SCML4: variants seen among roughly 807,000 people sequenced by gnomAD.
SCML4 encodes sex comb on midleg-like protein 4.
In SCML4, 34 loss-of-function variants were observed where a neutral mutation model predicts 41.1. That is an observed-to-expected ratio of 0.83 (90% CI 0.63 to 1.10). SCML4 has a LOEUF of 1.10. Among genes scored for constraint, SCML4 ranks in the 50% least tolerant of loss-of-function variants. The pLI, the probability that SCML4 is intolerant of heterozygous loss-of-function variation, is 0.00. For synonymous variants in SCML4, 214 were observed against 220.9 expected, an observed-to-expected ratio of 0.97 and a Z score of 0.28; for missense variants, 522 against 534.1, an observed-to-expected ratio of 0.98 and a Z score of 0.22.
chr6:107,844,833 G>A, the SCML4 span, among the ~76,000 whole-genome samples: 693 of 149,392 alleles, frequency 4.6e-3, 4 homozygotes, highest in Middle Eastern at 0.034. Context: ...AGGCCAAGCT[G>A]AGAGGATTGC....
At chr6:107,750,734 A>G (rs1583484794) in intron 2 of SCML4, among the ~76,000 whole-genome samples, 1 of 152,280 alleles carries the variant, frequency 6.6e-6, no homozygotes, top group African/African-American at 2.4e-5. Context: ...TTTTGCAATC[A>G]ACCTTCTAGA....
chr6:107,827,018 A>G (rs957893573), upstream of SCML4, among the ~76,000 whole-genome samples: 24 of 151,886 alleles, frequency 1.6e-4, no homozygotes, highest in African/African-American at 2.4e-4. Flanking sequence ...AGCCGAGATC[A>G]CGCCACTGCA....
At chr6:107,841,726 GA>G in the SCML4 span, among the ~76,000 whole-genome samples, 3 of 152,160 alleles carry the variant, frequency 2.0e-5, no homozygotes, top group African/African-American at 7.2e-5. Context: ...ATAAATAGAA[GA>G]TAGTATTTTT....
In SCML4 at chr6:107,779,175, A is replaced by G. The variant is rs572633938; in HGVS notation, c.-59-6789T>C. Among the ~76,000 whole-genome samples, 28 of 130,590 alleles carry G rather than the reference A, an allele frequency of 2.1e-4. No homozygotes were observed. The East Asian group carries it at 6.4e-3, about 30-fold the overall frequency. The allele number at this position is 130,590 out of a possible 152,430, so 85.7% of individuals were successfully genotyped here. ...AGCCTGGGCAACAGAGGGAGACTCC[A>G]TCTCAAAATAAATAAATAAATAAAT... On this transcript the variant is annotated intron_variant, in intron 1 of 7. Coordinates refer to ENST00000369020, the MANE Select transcript of SCML4 (RefSeq NM_198081.5).
chr6:107,756,867 A>G (rs1008998160), intron 2 of SCML4, among the ~76,000 whole-genome samples: 12 of 152,202 alleles, frequency 7.9e-5, no homozygotes, highest in African/African-American at 2.2e-4. Context: ...GCAGCACAGA[A>G]CTGGAAGCAG....
At chr6:107,828,237 C>G (rs567962739), upstream of SCML4, among the ~76,000 whole-genome samples, 1 of 152,202 alleles carries the variant, frequency 6.6e-6, no homozygotes, top group South Asian at 2.1e-4. Context: ...CTCATGGATC[C>G]TGGCACTGCC....
chr6:107,778,609 C>T (rs1781227003), intron 1 of SCML4, among the ~76,000 whole-genome samples: 1 of 152,084 alleles, frequency 6.6e-6, no homozygotes, highest in African/African-American at 2.4e-5. Flanking sequence ...AAGATCTGTT[C>T]TATTAATTTG....
At chr6:107,824,608 T>C (rs1785180296), upstream of SCML4, among the ~76,000 whole-genome samples, 1 of 152,070 alleles carries the variant, frequency 6.6e-6, no homozygotes, top group Admixed American at 6.6e-5. Flanking sequence ...CTTCTGCTTC[T>C]TTGGTAGTTA....
intron 1 of SCML4, among the ~76,000 whole-genome samples, chr6:107,806,680 C>T (rs1379910001): frequency 2.0e-5 from 3 of 152,228 alleles, no homozygotes; most frequent in African/African-American, 7.2e-5. Context: ...TTGCATTGGG[C>T]CCCTTACCTC....
chr6:107,772,417 A>G (rs1780598043), intron 1 of SCML4, 31 bp from the exon 2 acceptor site: 2 of 1,263,564 alleles, frequency 1.6e-6, no homozygotes, highest in Non-Finnish European at 2.1e-6. Flanking sequence ...AAAGCAAAAC[A>G]AAAACAGAAG....
chr6:107,810,382 C>T (rs1421599165), intron 1 of SCML4, among the ~76,000 whole-genome samples: 3 of 152,112 alleles, frequency 2.0e-5, no homozygotes, highest in African/African-American at 4.8e-5. Context: ...CTCCTCTCAT[C>T]GCTTGGGATA....
chr6:107,779,127 A>C (rs6903916), intron 1 of SCML4, among the ~76,000 whole-genome samples: 146,837 of 151,920 alleles, frequency 0.97, 71,192 homozygotes, highest in Non-Finnish European at 1. Flanking sequence ...TTGCAGTGAG[A>C]CAAGATCGCG....
intron 1 of SCML4, among the ~76,000 whole-genome samples, chr6:107,820,370 A>C (rs1049638402): frequency 6.6e-6 from 1 of 152,092 alleles, no homozygotes; most frequent in Non-Finnish European, 1.5e-5. Flanking sequence ...GACCAGCCGC[A>C]CTGGGAGGGG....
chr6:107,766,318 C>T (rs1017440556), intron 2 of SCML4, among the ~76,000 whole-genome samples: 2 of 148,992 alleles, frequency 1.3e-5, no homozygotes, highest in Non-Finnish European at 3.0e-5. Flanking sequence ...TGCAGTGAGC[C>T]GAAATTGCGC....
At chr6:107,731,473 TTC>T (rs138920558) in intron 5 of SCML4, among the ~76,000 whole-genome samples, 3 of 151,342 alleles carry the variant, frequency 2.0e-5, no homozygotes, top group Admixed American at 6.6e-5. Flanking sequence ...CTGTTTGTCT[TTC>T]TCTCTCTCTC....
intron 5 of SCML4, among the ~76,000 whole-genome samples, chr6:107,735,521 C>T (rs72933110): frequency 2.0e-5 from 3 of 151,540 alleles, no homozygotes; most frequent in East Asian, 1.9e-4. Flanking sequence ...AGTCATGGCC[C>T]GACACAGTGG....
the SCML4 span, among the ~76,000 whole-genome samples, chr6:107,841,196 G>A: frequency 1.7e-3 from 261 of 151,648 alleles, 11 homozygotes; most frequent in East Asian, 0.032. Context: ...GAGGTGGGAT[G>A]CACCTGTAAT....
chr6:107,825,711 C>T (rs1234309356), upstream of SCML4, among the ~76,000 whole-genome samples: 14 of 151,524 alleles, frequency 9.2e-5, no homozygotes, highest in Non-Finnish European at 1.9e-4. Flanking sequence ...GAGGCCAAGG[C>T]GGGTGGATCA....
chr6:107,775,939 G>A (rs1279168862), intron 1 of SCML4, among the ~76,000 whole-genome samples: 1 of 151,868 alleles, frequency 6.6e-6, no homozygotes, highest in Non-Finnish European at 1.5e-5. Context: ...AATGATTTAT[G>A]GACAACTGGC....
Sources: allele counts gnomAD v4.1 joint callset (sites outside exome capture counted in the v4.1 genomes callset), GRCh38; gene constraint gnomAD v4.1.1; transcripts MANE v1.5; gene names NCBI Gene and HGNC (gene_info 2026-07-23, HGNC 2026-07-21).